The following ZDHHC14 variants were observed in gnomAD, a reference collection of about 807,000 sequenced individuals.
ZDHHC14 encodes the protein zDHHC palmitoyltransferase 14.
Under a neutral mutation model 47.7 loss-of-function variants are expected in ZDHHC14, and 16 were observed. The ratio of observed to expected loss-of-function variants is 0.34; its 90% CI spans 0.23 to 0.51. ZDHHC14 has a LOEUF of 0.51. Among genes scored for constraint, ZDHHC14 ranks in the 20% least tolerant of loss-of-function variants. ZDHHC14 has a pLI of 0.97. For missense variants in ZDHHC14, 515 were observed against 662.5 expected (o/e 0.78, Z 2.44); for synonymous variants, 293 against 278.9 (o/e 1.05, Z -0.50).
At chr6:157,428,446 T>C (rs564971607) in intron 1 of ZDHHC14, among the ~76,000 whole-genome samples, 5 of 152,266 alleles carry the variant, frequency 3.3e-5, no homozygotes, top group African/African-American at 1.2e-4. Flanking sequence ...GACAAGTAAT[T>C]GAGAGTAAAA....
intron 8 of ZDHHC14, among the ~76,000 whole-genome samples, chr6:157,670,363 A>G (rs1317913531): frequency 3.3e-5 from 5 of 152,182 alleles, no homozygotes; most frequent in East Asian, 1.9e-4. Context: ...GCGTGATCTC[A>G]GCTCACTGGA....
intron 3 of ZDHHC14, among the ~76,000 whole-genome samples, chr6:157,611,556 C>T (rs1228117515): frequency 2.6e-5 from 4 of 152,254 alleles, no homozygotes; most frequent in Non-Finnish European, 4.4e-5. Flanking sequence ...GTCAGTGATA[C>T]TCAACTGCAG....
At chr6:157,458,104 G>A (rs1004546304) in intron 1 of ZDHHC14, among the ~76,000 whole-genome samples, 1 of 152,228 alleles carries the variant, frequency 6.6e-6, no homozygotes, top group East Asian at 1.9e-4. Flanking sequence ...GGTATGTGTA[G>A]AATCTGGTTA....
chr6:157,593,189 C>T (rs1398027233), intron 3 of ZDHHC14, 43 bp downstream of exon 3: 1 of 1,579,026 alleles, frequency 6.3e-7, no homozygotes, highest in Non-Finnish European at 8.6e-7. Flanking sequence ...CCCGGGTCCT[C>T]CGGGTGGGTT....
At chr6:157,387,199 CCTT>C (rs755792390) in intron 1 of ZDHHC14, among the ~76,000 whole-genome samples, 6 of 151,884 alleles carry the variant, frequency 4.0e-5, no homozygotes, top group South Asian at 2.1e-4. Flanking sequence ...TCCTTCCTTC[CCTT>C]CTTCTTTTTA....
Position 157,614,132 on chromosome 6 carries a change from T to C in ZDHHC14, c.566-14217T>C, listed in dbSNP as rs148011444. The stretch of plus-strand genomic sequence containing the variant: ...TGGGTGAAGACACCGCAGCTCTTGG[T>C]AGGGGGGATGGGGGGGCGGGGAGTG... On this transcript the variant is annotated intron_variant, in intron 3 of 8. Coordinates refer to ENST00000359775, the MANE Select transcript of ZDHHC14 (RefSeq NM_024630.3). 1.5e-3 allele frequency among the ~76,000 whole-genome samples: 224 copies of C among 152,074 alleles called. 3 individuals are homozygous for C. Among genetic ancestry groups the C allele is most frequent in the African/African-American group, 5.1e-3 (213 of 41,496 alleles).
In ZDHHC14 at chr6:157,531,181, C is replaced by G. The variant is rs113793695; in HGVS notation, c.246-11404C>G. ...TGGACCCAGATGTCCCGGGTCTGCTCTGATGATTCCACAACATTCAATTCA... is the reference window on the plus strand; with the variant it reads ...TGGACCCAGATGTCCCGGGTCTGCTGTGATGATTCCACAACATTCAATTCA... On this transcript the variant is annotated intron_variant, in intron 1 of 8. Transcript: ENST00000359775. 2.4e-3 allele frequency among the ~76,000 whole-genome samples: 362 copies of G among 152,228 alleles called. 5 individuals carry two copies. Among genetic ancestry groups the G allele is most frequent in the African/African-American group, 8.5e-3 (352 of 41,532 alleles).
intron 1 of ZDHHC14, among the ~76,000 whole-genome samples, chr6:157,540,804 T>C (rs938902390): frequency 1.3e-5 from 2 of 149,842 alleles, no homozygotes; most frequent in African/African-American, 5.0e-5. Context: ...TAACAAAAAA[T>C]TCCCCCTAAA....
chr6:157,400,467 A>G (rs1382915944), intron 1 of ZDHHC14, among the ~76,000 whole-genome samples: 1 of 152,208 alleles, frequency 6.6e-6, no homozygotes, highest in Non-Finnish European at 1.5e-5. Context: ...CAGGACACAC[A>G]CACGCAGAGA....
chr6:157,497,172 A>G (rs1583709743), intron 1 of ZDHHC14, among the ~76,000 whole-genome samples: 4 of 152,302 alleles, frequency 2.6e-5, no homozygotes, highest in Admixed American at 2.6e-4. Flanking sequence ...ATTATTCCTC[A>G]TTTTGGACAG....
intron 2 of ZDHHC14, among the ~76,000 whole-genome samples, chr6:157,548,569 C>T (rs1017003804): frequency 6.6e-6 from 1 of 152,200 alleles, no homozygotes; most frequent in Non-Finnish European, 1.5e-5. Context: ...GCCTCAGCCT[C>T]CCGAGTAGCT....
intron 1 of ZDHHC14, among the ~76,000 whole-genome samples, chr6:157,475,400 A>G (rs1442993200): frequency 6.6e-6 from 1 of 152,028 alleles, no homozygotes; most frequent in Non-Finnish European, 1.5e-5. Flanking sequence ...TCTGTGAAAA[A>G]TATCATTGTA....
intron 5 of ZDHHC14, among the ~76,000 whole-genome samples, chr6:157,634,333 G>C (rs149920078): frequency 0.044 from 6,719 of 152,204 alleles, 514 homozygotes; most frequent in African/African-American, 0.15. Flanking sequence ...AATGATTTGG[G>C]AAGAAGTTGA....
intron 2 of ZDHHC14, among the ~76,000 whole-genome samples, chr6:157,565,269 T>C (rs1421520143): frequency 6.6e-6 from 1 of 152,080 alleles, no homozygotes; most frequent in Admixed American, 6.6e-5. Flanking sequence ...ATTTGAATAA[T>C]TTCATTTTAA....
In ZDHHC14 at chr6:157,382,206, G is replaced by T; in HGVS notation, c.185G>T (p.Gly62Val). The change falls in exon 1 of 9, where the codon GGC (glycine) becomes GTC (valine). Residue 62 changes from glycine (G) to valine (V), a missense_variant. Transcript: ENST00000359775. ...NGRIMMARQT[G>V]VFYLTLVLIL... ...AGGATCATGATGGCCCGGCAGACGGGCGTCTTCTACCTGACGCTCGTCCTC... is the reference window on the plus strand; with the variant it reads ...AGGATCATGATGGCCCGGCAGACGGTCGTCTTCTACCTGACGCTCGTCCTC... 1 of 1,613,634 alleles carries T rather than the reference G, an allele frequency of 6.2e-7. No homozygotes were observed. Among genetic ancestry groups the T allele is most frequent in the Non-Finnish European group, 8.5e-7 (1 of 1,179,792 alleles).
chr6:157,528,635 G>A (rs965858785), intron 1 of ZDHHC14, among the ~76,000 whole-genome samples: 66 of 152,246 alleles, frequency 4.3e-4, no homozygotes, highest in African/African-American at 1.3e-3. Flanking sequence ...GGGAGGTTGA[G>A]GCAGGAGAAT....
chr6:157,528,625 G>A (rs1018695127), intron 1 of ZDHHC14, among the ~76,000 whole-genome samples: 1 of 152,080 alleles, frequency 6.6e-6, no homozygotes, highest in Non-Finnish European at 1.5e-5. Context: ...CCAGCTACTC[G>A]GGAGGTTGAG....
At chr6:157,630,321 G>A (rs1785624787) in intron 4 of ZDHHC14, 1 of 152,108 alleles carries the variant, frequency 6.6e-6, no homozygotes, top group Admixed American at 6.5e-5. Context: ...ACCTCAAGAT[G>A]CTTTTGTGTG....
chr6:157,417,180 C>T (rs997753453), intron 1 of ZDHHC14, among the ~76,000 whole-genome samples: 1 of 151,616 alleles, frequency 6.6e-6, no homozygotes, highest in South Asian at 2.1e-4. Flanking sequence ...TGTGGGTGTA[C>T]GGGTGCTCGT....
Sources: gnomAD v4.1 joint callset for allele counts (sites outside exome capture counted in the v4.1 genomes callset) on GRCh38, gnomAD v4.1.1 for gene constraint, MANE v1.5 for transcripts, NCBI Gene and HGNC (gene_info 2026-07-23, HGNC 2026-07-21) for gene names.